Variants in SDK1 observed in about 807,000 individuals in gnomAD.
SDK1 encodes the protein sidekick cell adhesion molecule 1.
Under a neutral mutation model 245.5 loss-of-function variants are expected in SDK1, and 157 were observed. That is an observed-to-expected ratio of 0.64 (90% CI 0.56 to 0.73). The LOEUF is 0.73. Ranked by LOEUF, SDK1 falls within the 30% of genes least tolerant of loss-of-function variation. The pLI, the probability that SDK1 is intolerant of heterozygous loss-of-function variation, is 0.00. For missense variants in SDK1, 3,583 were observed against 3,002.3 expected (o/e 1.19, Z -4.52); for synonymous variants, 1,647 against 1,278.5 (o/e 1.29, Z -6.15).
intron 14 of SDK1, among the ~76,000 whole-genome samples, chr7:4,000,307 C>T (rs527307320): frequency 3.0e-4 from 45 of 152,320 alleles, no homozygotes; most frequent in Admixed American, 1.9e-3. Context: ...CAGCATGGAA[C>T]GTTCTGGTGC....
chr7:3,765,458 C>G (rs1185906665), intron 4 of SDK1, among the ~76,000 whole-genome samples: 7 of 152,170 alleles, frequency 4.6e-5, no homozygotes, highest in Admixed American at 2.6e-4. Context: ...ACTTCCTTGG[C>G]TCAACGTTAT....
chr7:4,110,820 C>T (rs1358666564), intron 23 of SDK1, 48 bp downstream of exon 23: 2 of 1,319,758 alleles, frequency 1.5e-6, no homozygotes, highest in Non-Finnish European at 2.2e-6. Context: ...ACTGGCAGCC[C>T]AGGCAGGTGC....
intron 4 of SDK1, among the ~76,000 whole-genome samples, chr7:3,691,315 T>A (rs1562374391): frequency 6.6e-6 from 1 of 152,240 alleles, no homozygotes; most frequent in East Asian, 1.9e-4. Context: ...TAGGAAGAGG[T>A]CAGGGCTCTT....
chr7:3,456,229 C>T (rs1164197021), intron 1 of SDK1, among the ~76,000 whole-genome samples: 1 of 152,184 alleles, frequency 6.6e-6, no homozygotes, highest in African/African-American at 2.4e-5. Flanking sequence ...CTTCACTCAG[C>T]TTCTTGAATC....
chr7:3,331,837 G>A (rs982080184), intron 1 of SDK1, among the ~76,000 whole-genome samples: 1 of 152,074 alleles, frequency 6.6e-6, no homozygotes, highest in African/African-American at 2.4e-5. Context: ...ACTTTCAGAT[G>A]TGTTATTTGG....
intron 14 of SDK1, among the ~76,000 whole-genome samples, chr7:3,995,335 G>A (rs1185064450): frequency 6.6e-6 from 1 of 152,136 alleles, no homozygotes; most frequent in Non-Finnish European, 1.5e-5. Context: ...CTGGTCTCAA[G>A]GTGCTACCCC....
chr7:4,206,550 A>G (rs1260132633), intron 36 of SDK1, among the ~76,000 whole-genome samples: 2 of 152,148 alleles, frequency 1.3e-5, no homozygotes, highest in East Asian at 1.9e-4. Context: ...TGAGAAGCCC[A>G]TTGTCACTGG....
intron 1 of SDK1, among the ~76,000 whole-genome samples, chr7:3,476,794 A>G (rs2128600500): frequency 6.6e-6 from 1 of 152,286 alleles, no homozygotes; most frequent in East Asian, 1.9e-4. Flanking sequence ...CTAGTCATAC[A>G]CCCAGCAAGG....
intron 1 of SDK1, among the ~76,000 whole-genome samples, chr7:3,397,403 A>T (rs574448177): frequency 6.6e-6 from 1 of 151,406 alleles, no homozygotes; most frequent in Non-Finnish European, 1.5e-5. Flanking sequence ...TTTTTTCTTT[A>T]TATGGGAATA....
chr7:4,170,263 A>T (rs1208205599), intron 32 of SDK1, among the ~76,000 whole-genome samples: 1 of 152,130 alleles, frequency 6.6e-6, no homozygotes, highest in African/African-American at 2.4e-5. Context: ...CCTGGGCAAC[A>T]TGGTGAGACG....
intron 5 of SDK1, among the ~76,000 whole-genome samples, chr7:3,857,074 A>C (rs1243658854): frequency 1.3e-5 from 2 of 152,172 alleles, no homozygotes; most frequent in East Asian, 3.9e-4. Flanking sequence ...GAAAAAATCA[A>C]CTCCTATTAA....
intron 1 of SDK1, among the ~76,000 whole-genome samples, chr7:3,516,623 T>A (rs1365030492): frequency 1.3e-5 from 2 of 152,210 alleles, no homozygotes. Context: ...TAACAGTATT[T>A]TCACAAAATG....
rs73035590 is a variant in SDK1 at position 4,157,319 on chromosome 7, C to T, written c.4626-1129C>T. 6.6e-3 allele frequency among the ~76,000 whole-genome samples: 872 copies of T among 131,860 alleles called. 16 individuals are homozygous for T. Among genetic ancestry groups the T allele is most frequent in the African/African-American group, 0.022 (816 of 36,848 alleles). The allele number at this position is 131,860 out of a possible 152,430, so 86.5% of individuals were successfully genotyped here. A position where few individuals can be genotyped will look rare whatever the true frequency, so the allele number is the denominator to read the frequency against. On this transcript the variant is annotated intron_variant, in intron 30 of 44. Coordinates refer to ENST00000404826, the MANE Select transcript of SDK1 (RefSeq NM_152744.4). ...AAGGGAAGGGAAAAGGAAGGAGGGA[C>T]GGGAGGTGGAAGGGAGAGAAGGGAA...
At chr7:3,724,271 T>G (rs1028173878) in intron 4 of SDK1, among the ~76,000 whole-genome samples, 13 of 151,932 alleles carry the variant, frequency 8.6e-5, no homozygotes, top group African/African-American at 3.1e-4. Context: ...AGCCAAAAAT[T>G]GCTGTATGAA....
intron 20 of SDK1, among the ~76,000 whole-genome samples, chr7:4,068,944 A>T (rs1780070479): frequency 6.6e-6 from 1 of 151,480 alleles, no homozygotes; most frequent in Non-Finnish European, 1.5e-5. Context: ...CTGGTCTCGA[A>T]CTCCTGACCT....
Position 4,265,264 on chromosome 7 carries a change from G to A in SDK1, c.6522G>A (p.Ala2174=), listed in dbSNP as rs1788391518. 3 of 1,597,732 alleles carry A rather than the reference G, an allele frequency of 1.9e-6. No homozygotes were observed. The highest frequency in any genetic ancestry group is 2.5e-6 in the Non-Finnish European group (3 of 1,176,604). ...APAPHRYEAV[A]GSEAGAQLHP... is the part of the protein sequence containing the mutation. ...CGCCGCACAGGTACGAGGCGGTGGC[G>A]GGCTCCGAGGCGGGCGCGCAGCTGC... Residue 2174 remains alanine (A), a synonymous_variant, in exon 45 of 45, where the codon GCG becomes GCA. Transcript: ENST00000404826.
intron 2 of SDK1, among the ~76,000 whole-genome samples, chr7:3,629,540 A>T (rs1283412417): frequency 1.3e-5 from 2 of 152,146 alleles, no homozygotes; most frequent in African/African-American, 2.4e-5. Flanking sequence ...AAAACCTCAT[A>T]TTCATGAGTT....
rs8514 is a variant in SDK1 at position 4,268,730 on chromosome 7, C to G, written c.*3346C>G. The G allele has an allele frequency of 1.5e-6, 2 of 1,367,566 alleles. No homozygotes were observed. The highest frequency in any genetic ancestry group is 3.0e-5 in the African/African-American group (2 of 67,704). 84.7% of individuals were successfully genotyped at this position (1,367,566 alleles called of 1,614,324 possible). A position where few individuals can be genotyped will look rare whatever the true frequency, so the allele number is the denominator to read the frequency against. ...GTCTGCGTACCTAAGTGTGGCTCCC[C>G]GTGGGTCAGCGTCCTGGTAGCATGG... is the stretch of plus-strand genomic sequence containing the variant. On this transcript the variant is annotated 3_prime_UTR_variant, in exon 45 of 45. Coordinates refer to ENST00000404826, the MANE Select transcript of SDK1 (RefSeq NM_152744.4).
chr7:3,818,882 A>T (rs757703124), intron 4 of SDK1, among the ~76,000 whole-genome samples: 1 of 152,196 alleles, frequency 6.6e-6, no homozygotes, highest in Non-Finnish European at 1.5e-5. Flanking sequence ...CCCACACCTG[A>T]TGCTGGGAAT....
Sources: gnomAD v4.1 joint callset for allele counts (sites outside exome capture counted in the v4.1 genomes callset) on GRCh38, gnomAD v4.1.1 for gene constraint, MANE v1.5 for transcripts, NCBI Gene and HGNC (gene_info 2026-07-23, HGNC 2026-07-21) for gene names.